Variants in P2RY8 observed in about 807,000 individuals in gnomAD.
The protein encoded by P2RY8 is S-geranylgeranyl-glutathione receptor P2RY8.
A neutral mutation model predicts 10.0 loss-of-function variants in P2RY8; 6 were observed. The ratio of observed to expected loss-of-function variants is 0.60; its 90% confidence interval spans 0.33 to 1.19. The LOEUF (loss-of-function observed/expected upper bound fraction) is 1.19. P2RY8 is among the 50% of genes most tolerant of loss of function. The probability of loss-of-function intolerance (pLI) is 0.04; values close to 1 mark genes in which losing one functional copy is unlikely to be tolerated. For synonymous variants in P2RY8, 276 were observed against 252.5 expected (o/e 1.09, Z -0.88); for missense variants, 456 against 542.0 (o/e 0.84, Z 1.58).
chrX:1,535,751 A>ACAC (rs1250974317), intron 1 of P2RY8, among the ~76,000 whole-genome samples: 1 of 151,328 alleles, frequency 6.6e-6, no homozygotes, highest in African/African-American at 2.4e-5. Flanking sequence ...ACACACACAC[A>ACAC]AACCCTTTTC....
chrX:1,499,959 C>T (rs5989770), intron 1 of P2RY8, among the ~76,000 whole-genome samples: 64,283 of 132,534 alleles, frequency 0.49, 18,931 homozygotes, highest in Admixed American at 0.66. Context: ...CCCGGGTTCC[C>T]GCCATTCTCC....
At chrX:1,467,692 A>G (rs1327379438) in intron 1 of P2RY8, among the ~76,000 whole-genome samples, 1 of 152,196 alleles carries the variant, frequency 6.6e-6, no homozygotes, top group African/African-American at 2.4e-5. Flanking sequence ...TGTTTGTTTT[A>G]TAGATATGGG....
rs191669358 is a variant in P2RY8, at chrX:1,504,843, C to T, written c.-25+32078G>A. Reference sequence around the variant, plus strand: ...CTCTACTAATAATACAAAAATTAGCCGGGCATTGGCCAGGCGTGGTGGCTC... The same window carrying T: ...CTCTACTAATAATACAAAAATTAGCTGGGCATTGGCCAGGCGTGGTGGCTC... On this transcript the variant is annotated intron_variant, in intron 1 of 1. Coordinates refer to ENST00000381297, the MANE Select transcript of P2RY8 (RefSeq NM_178129.5). Among the ~76,000 whole-genome samples, 8 of 151,524 alleles carry T rather than the reference C, an allele frequency of 5.3e-5. No homozygotes were observed. In the East Asian group the frequency reaches 1.2e-3, roughly 22 times the overall value.
intron 1 of P2RY8, among the ~76,000 whole-genome samples, chrX:1,524,547 A>C (rs867339285): frequency 1.8e-5 from 2 of 111,058 alleles, no homozygotes; most frequent in Non-Finnish European, 3.7e-5. Flanking sequence ...CCATCCATCC[A>C]TCCATGCATG....
intron 1 of P2RY8, among the ~76,000 whole-genome samples, chrX:1,535,003 G>T (rs1361102079): frequency 6.6e-6 from 1 of 151,764 alleles, no homozygotes; most frequent in Non-Finnish European, 1.5e-5. Context: ...CAAACACAGG[G>T]TTGCCCACCG....
chrX:1,508,853 TCATCCATCCATC>T (rs751802821), intron 1 of P2RY8, among the ~76,000 whole-genome samples: 3 of 143,272 alleles, frequency 2.1e-5, no homozygotes, highest in South Asian at 4.5e-4. Flanking sequence ...ATCCATCCAT[TCATCCATCCATC>T]CATCCATCCA....
intron 1 of P2RY8, among the ~76,000 whole-genome samples, chrX:1,508,681 T>TCATCCATCCATCCATCCATC (rs1335828050): frequency 1.3e-5 from 1 of 79,260 alleles, no homozygotes; most frequent in Non-Finnish European, 3.2e-5. Flanking sequence ...TATCTATCCA[T>TCATCCATCCATCCATCCATC]CATCCATCCA....
chrX:1,502,956 T>C (rs1160128831), intron 1 of P2RY8, among the ~76,000 whole-genome samples: 2 of 151,940 alleles, frequency 1.3e-5, no homozygotes, highest in Non-Finnish European at 2.9e-5. Flanking sequence ...GATATGTCCA[T>C]ATCCTAGAGC....
chrX:1,507,364 A>G (rs1221080317), intron 1 of P2RY8, among the ~76,000 whole-genome samples: 2 of 151,960 alleles, frequency 1.3e-5, no homozygotes, highest in Admixed American at 6.6e-5. Context: ...GTCAGCACCC[A>G]CTACTTCCTG....
intron 1 of P2RY8, among the ~76,000 whole-genome samples, chrX:1,530,979 G>A (rs1401203262): frequency 4.0e-5 from 6 of 151,664 alleles, no homozygotes; most frequent in Non-Finnish European, 7.4e-5. Context: ...ATGTATGTAT[G>A]TATGTACCTA....
At chrX:1,483,737 G>T (rs1204798809) in intron 1 of P2RY8, among the ~76,000 whole-genome samples, 23 of 152,046 alleles carry the variant, frequency 1.5e-4, no homozygotes, top group Admixed American at 1.2e-3. Context: ...CCCAAAGAGG[G>T]GCTCCCTTAG....
intron 1 of P2RY8, among the ~76,000 whole-genome samples, chrX:1,536,332 G>C (rs2092526742): frequency 6.6e-6 from 1 of 151,278 alleles, no homozygotes; most frequent in African/African-American, 2.4e-5. Context: ...CGTGATCTCT[G>C]CTCACTGCAA....
chrX:1,506,926 T>C (rs1339518240), intron 1 of P2RY8, among the ~76,000 whole-genome samples: 111 of 130,174 alleles, frequency 8.5e-4, no homozygotes, highest in Non-Finnish European at 1.1e-3. Flanking sequence ...TCCGCCCACC[T>C]AGGCCTCCCA....
At chrX:1,478,908 G>T (rs2091906320) in intron 1 of P2RY8, among the ~76,000 whole-genome samples, 1 of 152,060 alleles carries the variant, frequency 6.6e-6, no homozygotes. Context: ...TGCCTTTCTG[G>T]TGGTCCCTCC....
At position 1,536,968 on chromosome X, in the gene P2RY8, T is replaced by A. The variant is rs1227561385; in HGVS notation, c.-72A>T. On this transcript the variant is annotated 5_prime_UTR_variant, in exon 1 of 2. Transcript: ENST00000381297. ...GTAGCAGGTGAGAGCTCAGAGGGTC[T>A]CCAGGTAACAGGATGCAACGCTTAA... 1.3e-5 allele frequency: 3 copies of A among 230,922 alleles called. No individual in the cohort carries two copies. The highest frequency in any genetic ancestry group is 2.2e-5 in the African/African-American group (1 of 45,090). The allele number at this position is 230,922 out of a possible 1,614,324, so 14.3% of individuals were successfully genotyped here.
At chrX:1,494,978 A>T (rs2092102223) in intron 1 of P2RY8, among the ~76,000 whole-genome samples, 1 of 131,532 alleles carries the variant, frequency 7.6e-6, no homozygotes, top group Non-Finnish European at 1.7e-5. Context: ...TCGGCCTCCC[A>T]AAGTGCTGGG....
At chrX:1,503,318 T>G (rs1296221435) in intron 1 of P2RY8, among the ~76,000 whole-genome samples, 3 of 152,170 alleles carry the variant, frequency 2.0e-5, no homozygotes, top group Non-Finnish European at 4.4e-5. Context: ...GTTGTCGAAC[T>G]CCCCAGTTTG....
At chrX:1,481,672 C>T (rs1349358921) in intron 1 of P2RY8, among the ~76,000 whole-genome samples, 2 of 151,972 alleles carry the variant, frequency 1.3e-5, no homozygotes, top group Non-Finnish European at 1.5e-5. Context: ...TTCCAACCCT[C>T]GCACCCTCAA....
chrX:1,490,782 TAG>T (rs1223730519), intron 1 of P2RY8, among the ~76,000 whole-genome samples: 1 of 146,974 alleles, frequency 6.8e-6, no homozygotes, highest in Non-Finnish European at 1.5e-5. Flanking sequence ...TCTGCAAACG[TAG>T]AGAGAATGAA....
Sources: allele counts gnomAD v4.1 joint callset (sites outside exome capture counted in the v4.1 genomes callset), GRCh38; gene constraint gnomAD v4.1.1; transcripts MANE v1.5; gene names NCBI Gene and HGNC (gene_info 2026-07-23, HGNC 2026-07-21).